PRCC: variants seen among roughly 807,000 people sequenced by gnomAD.
PRCC encodes the protein proline-rich protein PRCC.
A neutral mutation model predicts 44.0 loss-of-function variants in PRCC; 10 were observed. The observed-to-expected ratio is 0.23, with a 90% CI of 0.14 to 0.39. The LOEUF is 0.39. PRCC is among the 10% of genes least tolerant of loss of function. The probability of loss-of-function intolerance (pLI) is 1.00; values close to 1 mark genes in which losing one functional copy is unlikely to be tolerated. For missense variants in PRCC, 573 were observed against 624.7 expected (o/e 0.92, Z 0.88); for synonymous variants, 278 against 259.5 (o/e 1.07, Z -0.69).
At chr1:156,796,710 A>AGGC (rs1270807234) in intron 5 of PRCC, 1 of 152,634 alleles carries the variant, frequency 6.6e-6, no homozygotes, top group South Asian at 2.1e-4. Flanking sequence ...AGAATGGGGA[A>AGGC]GGCAGGGGTT....
At chr1:156,798,599 G>A (rs1652741792) in intron 6 of PRCC, among the ~76,000 whole-genome samples, 1 of 152,162 alleles carries the variant, frequency 6.6e-6, no homozygotes, top group Non-Finnish European at 1.5e-5. Context: ...ACTCACGCCT[G>A]TAATCCCAGC....
chr1:156,772,102 G>T (rs926005345), intron 1 of PRCC, among the ~76,000 whole-genome samples: 1 of 152,048 alleles, frequency 6.6e-6, no homozygotes, highest in Non-Finnish European at 1.5e-5. Context: ...CAACTGATCT[G>T]CCTGCCTCAG....
chr1:156,769,849 C>T (rs1651563258), intron 1 of PRCC, among the ~76,000 whole-genome samples: 1 of 152,166 alleles, frequency 6.6e-6, no homozygotes, highest in African/African-American at 2.4e-5. Context: ...ATCCACCCGC[C>T]TCAGCCTCCC....
At chr1:156,777,330 T>C (rs975863707) in intron 1 of PRCC, among the ~76,000 whole-genome samples, 1 of 152,214 alleles carries the variant, frequency 6.6e-6, no homozygotes, top group Non-Finnish European at 1.5e-5. Flanking sequence ...TTTATCTCTC[T>C]GAGCCTTACT....
intron 1 of PRCC, among the ~76,000 whole-genome samples, chr1:156,779,103 A>T (rs1233442907): frequency 3.6e-5 from 1 of 28,014 alleles, no homozygotes; most frequent in African/African-American, 1.3e-4. Context: ...CCGGCCGGGT[A>T]ATATATATAT....
At chr1:156,787,219 G>C (rs1558051832) in intron 3 of PRCC, 45 bp downstream of exon 3, 1 of 1,545,126 alleles carries the variant, frequency 6.5e-7, no homozygotes, top group African/African-American at 1.4e-5. Context: ...GTTGGAACAT[G>C]GTGGTCAAGG....
intron 1 of PRCC, among the ~76,000 whole-genome samples, chr1:156,773,291 C>T (rs1651699207): frequency 6.6e-6 from 1 of 151,988 alleles, no homozygotes; most frequent in South Asian, 2.1e-4. Flanking sequence ...AGAGAGGCCG[C>T]CGTGGGGAAT....
chr1:156,790,398 G>A (rs1015284686), intron 3 of PRCC, among the ~76,000 whole-genome samples: 1 of 152,208 alleles, frequency 6.6e-6, no homozygotes, highest in Non-Finnish European at 1.5e-5. Flanking sequence ...CAAGGCAGGC[G>A]GATCACCTGA....
At chr1:156,791,591 C>A in intron 3 of PRCC, 106 bp from the exon 4 acceptor site, 1 of 1,001,624 alleles carries the variant, frequency 1.0e-6, no homozygotes, top group Non-Finnish European at 1.5e-6. Flanking sequence ...ATAGCTATCT[C>A]ACCATTGCCT....
intron 1 of PRCC, among the ~76,000 whole-genome samples, chr1:156,770,917 G>A (rs1046374563): frequency 1.3e-5 from 2 of 152,214 alleles, no homozygotes; most frequent in African/African-American, 2.4e-5. Flanking sequence ...ATGTACAGTA[G>A]TGAACATGAT....
At chr1:156,775,523 T>G (rs1020335578) in intron 1 of PRCC, among the ~76,000 whole-genome samples, 55 of 150,966 alleles carry the variant, frequency 3.6e-4, no homozygotes, top group Non-Finnish European at 6.2e-4. Context: ...TTTTTTTTTT[T>G]TTTTTGAGAC....
At chr1:156,781,140 G>A (rs1325154911) in intron 1 of PRCC, among the ~76,000 whole-genome samples, 1 of 152,182 alleles carries the variant, frequency 6.6e-6, no homozygotes, top group East Asian at 1.9e-4. Context: ...AATCTTTGAA[G>A]CACACTGCGG....
Position 156,767,848 on chromosome 1 carries a change from C to T in PRCC, c.77C>T (p.Ala26Val). The T allele has an allele frequency of 6.2e-7, 1 of 1,609,894 alleles. No individual in the cohort carries two copies. Among genetic ancestry groups the T allele is most frequent in the East Asian group, 2.2e-5 (1 of 44,782 alleles). Residue 26 changes from alanine to valine, a missense_variant, in exon 1 of 7, where the codon GCG becomes GTG. Around this residue, in one of 4 missense-constraint regions of PRCC, gnomAD observed 245 missense variants for 188.5 expected, o/e 1.30. Transcript: ENST00000271526. ...GAGCCCGAGCCGGAGGAAGAGGAGGCGGTGGCTCCTACATCTGGGCCCGCT... is the reference window on the plus strand; with the variant it reads ...GAGCCCGAGCCGGAGGAAGAGGAGGTGGTGGCTCCTACATCTGGGCCCGCT... ...EAEPEPEEEEAVAPTSGPALG... is the reference protein window; with the variant it reads ...EAEPEPEEEEVVAPTSGPALG...
Position 156,767,806 on chromosome 1 carries a change from GCGAGCCGGATGAGGCTGAGCC to G in PRCC, c.45_65del (p.Asp15_Pro21del), listed in dbSNP as rs770182215. 5 of 1,609,338 alleles carry G rather than the reference GCGAGCCGGATGAGGCTGAGCC, an allele frequency of 3.1e-6. No individual in the cohort carries two copies. Among genetic ancestry groups the G allele is most frequent in the African/African-American group, 1.3e-5 (1 of 74,890 alleles). On this transcript the variant is annotated inframe_deletion, in exon 1 of 7. Transcript: ENST00000271526. ...GTTGCTTACGCCAGCAGCGATGAGA[GCGAGCCGGATGAGGCTGAGCC>G]CGAGCCGGAGGAAGAGGAGGCGGTG...
rs1476641788 is a variant in PRCC, at chr1:156,800,584, C to T, written c.*124C>T. 3 of 920,334 alleles carry T rather than the reference C, an allele frequency of 3.3e-6. No individual in the cohort carries two copies. Among genetic ancestry groups the T allele is most frequent in the Non-Finnish European group, 5.1e-6 (3 of 583,760 alleles). 57.0% of individuals were successfully genotyped at this position (920,334 alleles called of 1,614,324 possible). ...CTTTCCCCAAGGACCCAGCCCTCGC[C>T]TCTGCGAGAATGAACATATTTGATA... On this transcript the variant is annotated 3_prime_UTR_variant, in exon 7 of 7. Coordinates refer to ENST00000271526, the MANE Select transcript of PRCC (RefSeq NM_005973.5).
At chr1:156,780,661 C>T (rs367853745) in intron 1 of PRCC, among the ~76,000 whole-genome samples, 13 of 151,822 alleles carry the variant, frequency 8.6e-5, no homozygotes, top group Non-Finnish European at 1.2e-4. Flanking sequence ...TATGGTTTTC[C>T]GTAATGGTAG....
intron 5 of PRCC, 185 bp from the exon 6 acceptor site, chr1:156,797,091 G>A: frequency 1.6e-6 from 1 of 610,974 alleles, no homozygotes; most frequent in Admixed American, 3.0e-5. Flanking sequence ...TGGGTTTTTT[G>A]TATAATGGCT....
At position 156,791,784 on chromosome 1, in the gene PRCC, G is replaced by A; in HGVS notation, c.1171G>A (p.Asp391Asn). Residue 391 changes from aspartate to asparagine, a missense_variant, in exon 4 of 7, where the codon GAC becomes AAC. By Grantham distance (23) the Asp-to-Asn change is conservative. Around this residue, in one of 4 missense-constraint regions of PRCC, gnomAD observed 69 missense variants for 139.3 expected, o/e 0.50. Transcript: ENST00000271526. ...TGCCCCAGATGCCTCCTTCATCGAT[G>A]ACGAAGCAGTAAGTTAAGAAAGCAC... ...EIAPDASFIDDEAFKRLQGKR... is the reference protein window; with the variant it reads ...EIAPDASFIDNEAFKRLQGKR... 1 of 1,613,618 alleles carries A rather than the reference G, an allele frequency of 6.2e-7. No homozygotes were observed. Among genetic ancestry groups the A allele is most frequent in the South Asian group, 1.1e-5 (1 of 91,032 alleles).
chr1:156,770,073 C>T (rs1651573782), intron 1 of PRCC, among the ~76,000 whole-genome samples: 1 of 152,150 alleles, frequency 6.6e-6, no homozygotes, highest in East Asian at 1.9e-4. Context: ...TCTACATGGA[C>T]ATGGAAAGCT....
Sources: allele counts gnomAD v4.1 joint callset (sites outside exome capture counted in the v4.1 genomes callset), GRCh38; gene constraint gnomAD v4.1.1; regional missense constraint gnomAD v4.1.1; transcripts MANE v1.5; gene names NCBI Gene and HGNC (gene_info 2026-07-23, HGNC 2026-07-21).